CFAP54: variants seen among roughly 807,000 people sequenced by gnomAD.
CFAP54 encodes the protein cilia- and flagella-associated protein 54.
Under a neutral mutation model 370.4 loss-of-function variants are expected in CFAP54, and 290 were observed. The observed-to-expected ratio is 0.78, with a 90% CI of 0.71 to 0.86. CFAP54 has a LOEUF of 0.86. Among genes scored for constraint, CFAP54 ranks in the 40% least tolerant of loss-of-function variants. CFAP54 has a pLI of 0.00. For missense variants in CFAP54, 3,399 were observed against 3,528.7 expected, an observed-to-expected ratio of 0.96 and a Z score of 0.93; for synonymous variants, 1,206 against 1,236.5, an observed-to-expected ratio of 0.98 and a Z score of 0.52.
chr12:96,736,538 G>T (rs1957982275), intron 50 of CFAP54, among the ~76,000 whole-genome samples: 1 of 152,210 alleles, frequency 6.6e-6, no homozygotes, highest in African/African-American at 2.4e-5. Context: ...AGAAGGATGG[G>T]ATGTTTGATG....
At chr12:96,764,647 A>G (rs920161731) in intron 59 of CFAP54, among the ~76,000 whole-genome samples, 3 of 152,124 alleles carry the variant, frequency 2.0e-5, no homozygotes, top group Non-Finnish European at 4.4e-5. Context: ...AAAAAATTAC[A>G]TTATTTGGGA....
intron 66 of CFAP54, among the ~76,000 whole-genome samples, chr12:96,860,134 ATTTTT>A (rs137937553): frequency 0.018 from 2,304 of 127,948 alleles, 62 homozygotes; most frequent in African/African-American, 0.052. Context: ...TTGTTCTCTA[ATTTTT>A]TTTTTTTTTT....
At chr12:96,512,216 G>A (rs1034595827) in intron 4 of CFAP54, among the ~76,000 whole-genome samples, 1 of 148,304 alleles carries the variant, frequency 6.7e-6, no homozygotes, top group African/African-American at 2.5e-5. Flanking sequence ...TGAGTATTTT[G>A]CCATGCTGAT....
chr12:96,769,138 T>C (rs1958430503), intron 60 of CFAP54, among the ~76,000 whole-genome samples: 1 of 151,600 alleles, frequency 6.6e-6, no homozygotes, highest in African/African-American at 2.4e-5. Context: ...CTTTATTTCA[T>C]GCTACCTACT....
intron 32 of CFAP54, among the ~76,000 whole-genome samples, chr12:96,635,175 A>T (rs1435732118): frequency 6.6e-6 from 1 of 152,204 alleles, no homozygotes; most frequent in Non-Finnish European, 1.5e-5. Flanking sequence ...CTTGTCTATA[A>T]TATGAATTTT....
chr12:96,629,360 G>A (rs1208433827), intron 30 of CFAP54, among the ~76,000 whole-genome samples: 2 of 151,866 alleles, frequency 1.3e-5, no homozygotes. Flanking sequence ...CTGGAGTGCA[G>A]TGGCGCGATC....
intron 19 of CFAP54, among the ~76,000 whole-genome samples, chr12:96,571,901 A>AATTT (rs1955921958): frequency 6.6e-6 from 1 of 152,146 alleles, no homozygotes; most frequent in Non-Finnish European, 1.5e-5. Flanking sequence ...TCTGTTATGG[A>AATTT]ATTTATCTGA....
intron 17 of CFAP54, among the ~76,000 whole-genome samples, chr12:96,558,729 A>T (rs1955782666): frequency 6.6e-6 from 1 of 152,188 alleles, no homozygotes; most frequent in South Asian, 2.1e-4. Flanking sequence ...AAATCAAATC[A>T]AAATAGATTA....
At chr12:96,621,871 G>GTTTGTTTTTTTTT (rs1956495684) in intron 27 of CFAP54, 150 bp downstream of exon 27, 2 of 51,412 alleles carry the variant, frequency 3.9e-5, no homozygotes, top group African/African-American at 1.6e-4. Flanking sequence ...GAGCTTTTGG[G>GTTTGTTTTTTTTT]TTTGTTTTTT....
chr12:96,799,955 C>G (rs1296143850), intron 63 of CFAP54, among the ~76,000 whole-genome samples: 1 of 152,052 alleles, frequency 6.6e-6, no homozygotes, highest in Non-Finnish European at 1.5e-5. Context: ...TTAGGTTGGT[C>G]TTCAGCATAC....
At chr12:96,490,301 G>A (rs893405523) in intron 1 of CFAP54, among the ~76,000 whole-genome samples, 7 of 152,148 alleles carry the variant, frequency 4.6e-5, no homozygotes, top group South Asian at 2.1e-4. Flanking sequence ...AAACAGTTGC[G>A]CAGAATGAAT....
chr12:96,520,523 A>G (rs1053691427), intron 6 of CFAP54, among the ~76,000 whole-genome samples: 14 of 152,048 alleles, frequency 9.2e-5, no homozygotes, highest in South Asian at 2.1e-4. Flanking sequence ...AAAAAAATTT[A>G]TATATATATA....
chr12:96,489,630 C>G lies in CFAP54; in HGVS notation c.21C>G (p.Pro7=), dbSNP rs1201246410. 62 of 1,526,662 alleles carry G rather than the reference C, an allele frequency of 4.1e-5. No individual in the cohort carries two copies. The highest frequency in any genetic ancestry group is 4.9e-5 in the Non-Finnish European group (56 of 1,139,532). 94.6% of individuals were successfully genotyped at this position (1,526,662 alleles called of 1,614,324 possible). The change falls in exon 1 of 68, where the codon CCC becomes CCG. Residue 7 remains proline (P), a synonymous_variant. Transcript: ENST00000524981. ...TCAATATGGCGGCGCAGGGCTCCCC[C>G]TCGAGCTCTCCGTCAGACGACTCTA... MAAQGS[P]SSSPSDDSTT...
chr12:96,672,419 G>A (rs749686339), intron 39 of CFAP54, among the ~76,000 whole-genome samples: 7 of 152,182 alleles, frequency 4.6e-5, no homozygotes, highest in Non-Finnish European at 8.8e-5. Flanking sequence ...AAGGGGCTGC[G>A]AGTATAGCCA....
At chr12:96,772,145 A>G (rs537416950) in intron 60 of CFAP54, among the ~76,000 whole-genome samples, 4 of 152,290 alleles carry the variant, frequency 2.6e-5, no homozygotes, top group Admixed American at 2.6e-4. Flanking sequence ...AAGATACGAA[A>G]GGGTATCTTT....
intron 20 of CFAP54, among the ~76,000 whole-genome samples, chr12:96,580,283 A>T (rs1956019064): frequency 6.6e-6 from 1 of 152,126 alleles, no homozygotes. Flanking sequence ...GCAAAATGAC[A>T]ATAGTAATCC....
At chr12:96,538,614 C>T (rs967704561) in intron 13 of CFAP54, 96 bp downstream of exon 13, 1 of 1,252,244 alleles carries the variant, frequency 8.0e-7, no homozygotes, top group African/African-American at 1.5e-5. Flanking sequence ...TATTTTTCAC[C>T]TGGTTAATGA....
At chr12:96,614,314 C>T (rs1439731577) in intron 26 of CFAP54, among the ~76,000 whole-genome samples, 2 of 152,144 alleles carry the variant, frequency 1.3e-5, no homozygotes, top group African/African-American at 2.4e-5. Context: ...AATTCAACAG[C>T]CCTTCATGCT....
chr12:96,730,393 CAG>C (rs1346874142), intron 50 of CFAP54, among the ~76,000 whole-genome samples: 1 of 152,102 alleles, frequency 6.6e-6, no homozygotes, highest in East Asian at 1.9e-4. Context: ...ACAGCCATAA[CAG>C]AGAGTTAGCA....
Sources: gnomAD v4.1 joint callset for allele counts (sites outside exome capture counted in the v4.1 genomes callset) on GRCh38, gnomAD v4.1.1 for gene constraint, MANE v1.5 for transcripts, NCBI Gene and HGNC (gene_info 2026-07-23, HGNC 2026-07-21) for gene names.